The following DLG2 variants were observed in gnomAD, a reference collection of about 807,000 sequenced individuals.
DLG2 encodes the protein discs large MAGUK scaffold protein 2.
A neutral mutation model predicts 132.5 loss-of-function variants in DLG2; 45 were observed. The observed-to-expected ratio is 0.34, with a 90% CI of 0.27 to 0.44. The LOEUF (loss-of-function observed/expected upper bound fraction) is 0.44. Among genes scored for constraint, DLG2 ranks in the 20% least tolerant of loss-of-function variants. The pLI is 1.00. For synonymous variants in DLG2, 424 were observed against 419.6 expected, an observed-to-expected ratio of 1.01 and a Z score of -0.13; for missense variants, 1,045 against 1,196.9, an observed-to-expected ratio of 0.87 and a Z score of 1.87.
chr11:84,694,853 A>G (rs1277157843), intron 6 of DLG2, among the ~76,000 whole-genome samples: 2 of 151,512 alleles, frequency 1.3e-5, no homozygotes, highest in Non-Finnish European at 3.0e-5. Context: ...ACTCCAGGAG[A>G]GCAGATGGAT....
chr11:84,274,291 A>G (rs956124206), intron 7 of DLG2, among the ~76,000 whole-genome samples: 1 of 152,168 alleles, frequency 6.6e-6, no homozygotes, highest in Non-Finnish European at 1.5e-5. Context: ...TGATGCTCAG[A>G]GCACTTGGAA....
At chr11:84,731,649 A>G (rs1009859337) in intron 6 of DLG2, among the ~76,000 whole-genome samples, 1 of 151,994 alleles carries the variant, frequency 6.6e-6, no homozygotes. Flanking sequence ...AAGGGGAAAT[A>G]TCAAGTGAAC....
chr11:83,761,043 C>T (rs1451707075), intron 18 of DLG2, among the ~76,000 whole-genome samples: 1 of 152,196 alleles, frequency 6.6e-6, no homozygotes, highest in African/African-American at 2.4e-5. Flanking sequence ...TGCTTGTTGG[C>T]TTCTCAGCTC....
intron 21 of DLG2, among the ~76,000 whole-genome samples, chr11:83,520,711 A>ATAGATAGATAGATAGG (rs2095454835): frequency 1.1e-5 from 1 of 93,814 alleles, no homozygotes. Context: ...AGATAGATAG[A>ATAGATAGATAGATAGG]TAGATAGATA....
intron 9 of DLG2, among the ~76,000 whole-genome samples, chr11:84,115,642 T>C (rs1283186499): frequency 6.6e-6 from 1 of 152,216 alleles, no homozygotes; most frequent in African/African-American, 2.4e-5. Flanking sequence ...TATTTGCTCT[T>C]ATATCTACCT....
chr11:83,664,970 A>T (rs906618206), intron 18 of DLG2, among the ~76,000 whole-genome samples: 1 of 152,232 alleles, frequency 6.6e-6, no homozygotes, highest in Non-Finnish European at 1.5e-5. Flanking sequence ...CATGGCTGAA[A>T]ATTTCTCAGT....
chr11:84,129,560 C>T (rs1348680497), intron 9 of DLG2, among the ~76,000 whole-genome samples: 8 of 151,986 alleles, frequency 5.3e-5, no homozygotes, highest in Non-Finnish European at 1.0e-4. Flanking sequence ...CATCTTGCCT[C>T]AAAACAGCCA....
rs563571155 is a variant in DLG2, at chr11:83,952,374, G to A, written c.1340+10511C>T. ...AAAAAAGAGAGTAAGACTATGGAAGGACAGACTGGGAATAAAAAGCAAGAG... is the reference window on the plus strand; with the variant it reads ...AAAAAAGAGAGTAAGACTATGGAAGAACAGACTGGGAATAAAAAGCAAGAG... On this transcript the variant is annotated intron_variant, in intron 14 of 27. Coordinates refer to ENST00000376104, the MANE Select transcript of DLG2 (RefSeq NM_001142699.3). Among the ~76,000 whole-genome samples, 5 of 152,052 alleles carry A rather than the reference G, an allele frequency of 3.3e-5. No homozygotes were observed. The South Asian group carries it at 1.0e-3, about 32-fold the overall frequency.
At chr11:83,705,814 A>G (rs1184025788) in intron 18 of DLG2, among the ~76,000 whole-genome samples, 3 of 152,260 alleles carry the variant, frequency 2.0e-5, no homozygotes. Context: ...AAGCATATGA[A>G]GGCTTATTTT....
chr11:85,160,228 A>G (rs999200456), intron 4 of DLG2, among the ~76,000 whole-genome samples: 7 of 152,078 alleles, frequency 4.6e-5, no homozygotes, highest in Non-Finnish European at 1.0e-4. Context: ...GCCGGTTTTG[A>G]GTGTGTTCCA....
At chr11:85,615,381 G>A (rs190551189) in intron 2 of DLG2, among the ~76,000 whole-genome samples, 2 of 152,122 alleles carry the variant, frequency 1.3e-5, no homozygotes, top group Admixed American at 1.3e-4. Flanking sequence ...AGCTGGGCAT[G>A]TGGTGGGTGC....
intron 3 of DLG2, among the ~76,000 whole-genome samples, chr11:85,332,598 A>G (rs906695406): frequency 6.6e-6 from 1 of 152,190 alleles, no homozygotes; most frequent in African/African-American, 2.4e-5. Context: ...GATCTTAAAT[A>G]TAAGTCTTCA....
At chr11:84,663,777 C>T (rs2099697198) in intron 6 of DLG2, among the ~76,000 whole-genome samples, 1 of 152,132 alleles carries the variant, frequency 6.6e-6, no homozygotes, top group South Asian at 2.1e-4. Flanking sequence ...GTTCTGTCAT[C>T]CTTATATCCA....
intron 6 of DLG2, among the ~76,000 whole-genome samples, chr11:84,656,175 C>T (rs757250038): frequency 1.1e-4 from 16 of 152,126 alleles, no homozygotes; most frequent in East Asian, 1.9e-4. Context: ...TGGCATGCAT[C>T]GACAGGTTGG....
intron 4 of DLG2, among the ~76,000 whole-genome samples, chr11:85,155,377 T>G (rs2077522676): frequency 6.6e-6 from 1 of 152,222 alleles, no homozygotes; most frequent in Admixed American, 6.5e-5. Context: ...GACTAAATTC[T>G]TAGTTTGCAA....
At chr11:83,942,335 G>A (rs889036904) in intron 14 of DLG2, among the ~76,000 whole-genome samples, 10 of 150,276 alleles carry the variant, frequency 6.7e-5, no homozygotes, top group Non-Finnish European at 1.3e-4. Flanking sequence ...TGAAAAAATC[G>A]AGTTAAAATA....
chr11:83,477,912 CTTCCTCATCTTGCCTAGCTAGCAAG>C (rs1375101261), intron 22 of DLG2, among the ~76,000 whole-genome samples: 2 of 152,032 alleles, frequency 1.3e-5, no homozygotes, highest in African/African-American at 4.8e-5. Context: ...TGGGAAGTTC[CTTCCTCATCTTGCCTAGCTAGCAAG>C]TTCCTCATCT....
chr11:84,745,224 T>C (rs1368676080), intron 6 of DLG2, among the ~76,000 whole-genome samples: 2 of 152,212 alleles, frequency 1.3e-5, no homozygotes, highest in African/African-American at 4.8e-5. Flanking sequence ...TGTCAAATTG[T>C]AATCCCAAAT....
intron 3 of DLG2, among the ~76,000 whole-genome samples, chr11:85,298,907 C>T (rs1173938529): frequency 6.6e-6 from 1 of 152,030 alleles, no homozygotes; most frequent in African/African-American, 2.4e-5. Context: ...CTGTACTGTA[C>T]TTTCACATTT....
Sources: gnomAD v4.1 joint callset for allele counts (sites outside exome capture counted in the v4.1 genomes callset) on GRCh38, gnomAD v4.1.1 for gene constraint, MANE v1.5 for transcripts, NCBI Gene and HGNC (gene_info 2026-07-23, HGNC 2026-07-21) for gene names.